Variants in SSH2 observed in about 807,000 individuals in gnomAD.
The protein encoded by SSH2 is slingshot protein phosphatase 2, also known as protein phosphatase Slingshot homolog 2.
Under a neutral mutation model 135.2 loss-of-function variants are expected in SSH2, and 37 were observed. The observed-to-expected ratio is 0.27, with a 90% CI of 0.21 to 0.36. The LOEUF (loss-of-function observed/expected upper bound fraction) is 0.36. Ranked by LOEUF, SSH2 falls within the 10% of genes least tolerant of loss-of-function variation. SSH2 has a pLI of 1.00. For missense variants in SSH2, 1,408 were observed against 1,765.3 expected (o/e 0.80, Z 3.63); for synonymous variants, 628 against 646.2 (o/e 0.97, Z 0.43).
intron 5 of SSH2, among the ~76,000 whole-genome samples, chr17:29,693,091 C>T (rs2038560267): frequency 6.6e-6 from 1 of 152,058 alleles, no homozygotes; most frequent in Non-Finnish European, 1.5e-5. Flanking sequence ...TCCCGAGTAG[C>T]TGGCATGCCA....
At chr17:29,849,872 A>G (rs548960539) in intron 1 of SSH2, among the ~76,000 whole-genome samples, 1,799 of 142,870 alleles carry the variant, frequency 0.013, 32 homozygotes, top group South Asian at 0.045. Context: ...ATATATATAT[A>G]TATATATATT....
At chr17:29,834,352 T>C (rs973505708) in intron 2 of SSH2, among the ~76,000 whole-genome samples, 15 of 152,214 alleles carry the variant, frequency 9.9e-5, no homozygotes, top group African/African-American at 3.6e-4. Context: ...CTTGACGTGA[T>C]TGAAACCCCA....
intron 1 of SSH2, among the ~76,000 whole-genome samples, chr17:29,874,720 T>C (rs1171169587): frequency 1.3e-5 from 2 of 152,206 alleles, no homozygotes; most frequent in South Asian, 2.1e-4. Flanking sequence ...GGTATGACCT[T>C]ATAGCAGCAT....
At chr17:29,714,067 T>C (rs1309436127) in intron 3 of SSH2, among the ~76,000 whole-genome samples, 1 of 152,318 alleles carries the variant, frequency 6.6e-6, no homozygotes, top group Admixed American at 6.5e-5. Context: ...CAAAGCTTCT[T>C]GGTCCTGCAG....
At chr17:29,860,438 CTTTTTTTT>C (rs376815701) in intron 1 of SSH2, among the ~76,000 whole-genome samples, 2 of 114,274 alleles carry the variant, frequency 1.8e-5, no homozygotes, top group African/African-American at 6.6e-5. Flanking sequence ...CCTTTGCCCA[CTTTTTTTT>C]TTTTTTTTTT....
chr17:29,903,674 G>A (rs1348704043), intron 1 of SSH2, among the ~76,000 whole-genome samples: 2 of 152,090 alleles, frequency 1.3e-5, no homozygotes, highest in Non-Finnish European at 2.9e-5. Context: ...AGCAGGAACT[G>A]ATTATTTCGC....
intron 14 of SSH2, chr17:29,647,791 T>G (rs1406529920): frequency 4.2e-6 from 1 of 236,680 alleles, no homozygotes; most frequent in African/African-American, 2.3e-5. Flanking sequence ...GCCTCCCAAG[T>G]AGCTGGGATT....
At chr17:29,918,911 T>C (rs2066927297) in intron 1 of SSH2, among the ~76,000 whole-genome samples, 1 of 151,914 alleles carries the variant, frequency 6.6e-6, no homozygotes, top group Non-Finnish European at 1.5e-5. Context: ...CACTCCAGCC[T>C]GAGCGACAGA....
intron 1 of SSH2, among the ~76,000 whole-genome samples, chr17:29,874,099 C>T (rs909131711): frequency 1.3e-5 from 2 of 151,954 alleles, no homozygotes; most frequent in African/African-American, 4.8e-5. Flanking sequence ...TTGAGACTAG[C>T]CTGGGCAACA....
chr17:29,649,306 T>G (rs1488430128), intron 13 of SSH2, among the ~76,000 whole-genome samples: 1 of 152,164 alleles, frequency 6.6e-6, no homozygotes, highest in Non-Finnish European at 1.5e-5. Flanking sequence ...AAAATTAGCC[T>G]TTCTTTTCAC....
rs1044296184 is a variant in SSH2 at position 29,798,313 on chromosome 17, C to T, written c.145-4376G>A. Among the ~76,000 whole-genome samples, 9 of 151,948 alleles carry T rather than the reference C, an allele frequency of 5.9e-5. No individual in the cohort carries two copies. The South Asian group carries it at 8.3e-4, about 14-fold the overall frequency. On this transcript the variant is annotated intron_variant, in intron 2 of 15. Coordinates refer to ENST00000540801, the MANE Select transcript of SSH2 (RefSeq NM_001282129.2). ...AGCTGAGATTACAGGCGTGTACCAC[C>T]GTGCCCGGCTAATTTTTGTAGTTTT... is the stretch of plus-strand genomic sequence containing the variant.
At chr17:29,761,111 T>A in intron 3 of SSH2, 1 of 1,287,278 alleles carries the variant, frequency 7.8e-7, no homozygotes. Flanking sequence ...GCAAACTTTC[T>A]GAGCGTTCGC....
chr17:29,905,338 A>G (rs563516493), intron 1 of SSH2, among the ~76,000 whole-genome samples: 2 of 152,284 alleles, frequency 1.3e-5, no homozygotes, highest in South Asian at 4.2e-4. Context: ...ATATAAGACC[A>G]CACACCCATG....
intron 3 of SSH2, among the ~76,000 whole-genome samples, chr17:29,745,129 C>G (rs1341235251): frequency 6.6e-6 from 1 of 151,926 alleles, no homozygotes; most frequent in Non-Finnish European, 1.5e-5. Flanking sequence ...ATGATATACC[C>G]AAAGTATGCT....
chr17:29,808,577 C>T (rs925063641), intron 2 of SSH2, among the ~76,000 whole-genome samples: 2 of 152,212 alleles, frequency 1.3e-5, no homozygotes, highest in South Asian at 4.1e-4. Context: ...CCTCAATCTT[C>T]CCCACTCATC....
chr17:29,913,239 A>T (rs1436678567), intron 1 of SSH2, among the ~76,000 whole-genome samples: 4 of 140,238 alleles, frequency 2.9e-5, no homozygotes, highest in Non-Finnish European at 6.1e-5. Context: ...AATCGCTTGA[A>T]CCTGGGAGGT....
chr17:29,785,750 C>T (rs1236836663), intron 3 of SSH2, among the ~76,000 whole-genome samples: 4 of 151,174 alleles, frequency 2.6e-5, no homozygotes, highest in African/African-American at 9.7e-5. Context: ...CCACCCACCT[C>T]GGCTTCTCAA....
At chr17:29,907,022 G>A (rs1426719735) in intron 1 of SSH2, among the ~76,000 whole-genome samples, 1 of 152,136 alleles carries the variant, frequency 6.6e-6, no homozygotes, top group East Asian at 1.9e-4. Flanking sequence ...TATATACCCA[G>A]AGGAATATAA....
At position 29,913,351 on chromosome 17, in the gene SSH2, TATATATATATATATATATATA is replaced by T. The variant is rs1567650038; in HGVS notation, c.63+16566_63+16586del. On this transcript the variant is annotated intron_variant, in intron 1 of 15. Coordinates refer to ENST00000540801, the MANE Select transcript of SSH2 (RefSeq NM_001282129.2). Reference sequence around the variant, plus strand: ...AAAAAAAAAAAAAAAAAAAAAAATATATATATATATATATATATATATATATATATATCCAATTTCTACTAA... The same window carrying T: ...AAAAAAAAAAAAAAAAAAAAAAATATTATATATATATCCAATTTCTACTAA... 7.3e-4 allele frequency among the ~76,000 whole-genome samples: 15 copies of T among 20,654 alleles called. 2 individuals carry two copies. The highest frequency in any genetic ancestry group is 1.2e-3 in the Non-Finnish European group (13 of 10,636). The allele number at this position is 20,654 out of a possible 152,430, so 13.5% of individuals were successfully genotyped here.
Sources: allele counts gnomAD v4.1 joint callset (sites outside exome capture counted in the v4.1 genomes callset), GRCh38; gene constraint gnomAD v4.1.1; transcripts MANE v1.5; gene names NCBI Gene and HGNC (gene_info 2026-07-23, HGNC 2026-07-21).